Variants in MED25 observed in about 807,000 individuals in gnomAD.
The protein encoded by MED25 is mediator of RNA polymerase II transcription subunit 25.
Under a neutral mutation model 89.4 loss-of-function variants are expected in MED25, and 62 were observed. That is an observed-to-expected ratio of 0.69 (90% CI 0.57 to 0.86). The LOEUF (loss-of-function observed/expected upper bound fraction) is 0.86, where lower values mean the gene tolerates loss of function less well. Among genes scored for constraint, MED25 ranks in the 40% least tolerant of loss-of-function variants. MED25 has a pLI of 0.00. For synonymous variants in MED25, 449 were observed against 427.9 expected (o/e 1.05, Z -0.61); for missense variants, 905 against 1,005.2 (o/e 0.90, Z 1.35).
intron 3 of MED25, among the ~76,000 whole-genome samples, chr19:49,824,916 T>C (rs906493911): frequency 1.3e-5 from 2 of 152,178 alleles, no homozygotes; most frequent in Non-Finnish European, 2.9e-5. Context: ...GGAATGATAC[T>C]GGGTAGAACA....
chr19:49,835,539 G>A lies in MED25; in HGVS notation c.1680G>A (p.Gly560=). ...QKLEQQQRGM[G]GQQAPPGLGP... ...GCCCCTCTCTCCCCGTGCAGATGGG[G>A]GGACAGCAGGCACCCCCAGGGCTGG... Residue 560 remains glycine (G), a synonymous_variant, in exon 15 of 18, where the codon GGG becomes GGA. Coordinates refer to ENST00000312865, the MANE Select transcript of MED25 (RefSeq NM_030973.4). The surrounding 1 kb of genome is among the most constrained non-coding windows in gnomAD (Gnocchi z 6.2). The A allele has an allele frequency of 6.4e-7, 1 of 1,559,302 alleles. No homozygotes were observed. The highest frequency in any genetic ancestry group is 2.4e-5 in the East Asian group (1 of 41,916).
chr19:49,836,530 A>C lies in MED25; in HGVS notation c.2146+124A>C. The C allele has an allele frequency of 7.9e-7, 1 of 1,262,328 alleles. No individual in the cohort carries two copies. Among genetic ancestry groups the C allele is most frequent in the Non-Finnish European group, 1.1e-6 (1 of 884,338 alleles). The allele number at this position is 1,262,328 out of a possible 1,614,324, so 78.2% of individuals were successfully genotyped here. On this transcript the variant is annotated intron_variant, in intron 17 of 17. Transcript: ENST00000312865. The surrounding 1 kb of genome is among the most constrained non-coding windows in gnomAD (Gnocchi z 5.1). The stretch of plus-strand genomic sequence containing the variant: ...AGGATCCAAGAATGAGGGTTCCCCC[A>C]TGGCCTTTGCGGAGCTCTGAGGGCT...
In MED25 at chr19:49,830,945, C is replaced by A. The variant is rs1388508098; in HGVS notation, c.1101+58C>A. On this transcript the variant is annotated intron_variant, in intron 9 of 17. Transcript: ENST00000312865. The surrounding 1 kb of genome is among the most constrained non-coding windows in gnomAD (Gnocchi z 4.6). ...TTCCTCCTGCTGTCCACAGCTAGGA[C>A]AGTTAGAGGATGAGTCATTTGCCTT... 6 of 1,549,030 alleles carry A rather than the reference C, an allele frequency of 3.9e-6. No individual in the cohort carries two copies. The highest frequency in any genetic ancestry group is 5.3e-6 in the Non-Finnish European group (6 of 1,133,646).
At chr19:49,824,856 G>C (rs1466502973) in intron 3 of MED25, among the ~76,000 whole-genome samples, 1 of 152,080 alleles carries the variant, frequency 6.6e-6, no homozygotes, top group African/African-American at 2.4e-5. Flanking sequence ...TTGACCTCCT[G>C]GGGCTCCAGG....
Position 49,835,793 on chromosome 19 carries a change from C to T in MED25, c.1813C>T (p.Pro605Ser). 2 of 1,606,038 alleles carry T rather than the reference C, an allele frequency of 1.2e-6. No individual in the cohort carries two copies. Among genetic ancestry groups the T allele is most frequent in the South Asian group, 2.2e-5 (2 of 90,782 alleles). Residue 605 changes from proline (P) to serine (S), a missense_variant, in exon 16 of 18, where the codon CCC (proline) becomes TCC (serine). Transcript: ENST00000312865. The surrounding 1 kb of genome is among the most constrained non-coding windows in gnomAD (Gnocchi z 6.2). ...TVGASGATGQ[P>S]QPQGTAQPPP... ...AGGGGCCTCTGGGGCCACGGGGCAG[C>T]CCCAGCCCCAAGGTACTGCCCAGCC... is the stretch of plus-strand genomic sequence containing the variant.
rs922046069 is a variant in MED25 at position 49,830,901 on chromosome 19, C to T, written c.1101+14C>T. ...GCACCGTCCATGGTAGGTGCCTGCACGCCTCCTGCCCCTGCTCCTTCCTCC... is the reference window on the plus strand; with the variant it reads ...GCACCGTCCATGGTAGGTGCCTGCATGCCTCCTGCCCCTGCTCCTTCCTCC... On this transcript the variant is annotated intron_variant, in intron 9 of 17. Coordinates refer to ENST00000312865, the MANE Select transcript of MED25 (RefSeq NM_030973.4). The surrounding 1 kb of genome is among the most constrained non-coding windows in gnomAD (Gnocchi z 4.6). The T allele has an allele frequency of 4.4e-6, 7 of 1,596,804 alleles. No homozygotes were observed. Among genetic ancestry groups the T allele is most frequent in the Non-Finnish European group, 6.0e-6 (7 of 1,172,394 alleles).
Position 49,830,971 on chromosome 19 carries a change from C to T in MED25, c.1101+84C>T, listed in dbSNP as rs2074052577. ...AGTTAGAGGATGAGTCATTTGCCTT[C>T]CAGGGGGATGTGGCTCTCGTGGTTC... On this transcript the variant is annotated intron_variant, in intron 9 of 17. Transcript: ENST00000312865. The surrounding 1 kb of genome is among the most constrained non-coding windows in gnomAD (Gnocchi z 4.6). 2.1e-6 allele frequency: 3 copies of T among 1,434,584 alleles called. No homozygotes were observed. The highest frequency in any genetic ancestry group is 3.3e-5 in the Admixed American group (2 of 59,730). 88.9% of individuals were successfully genotyped at this position (1,434,584 alleles called of 1,614,324 possible).
chr19:49,834,759 T>C lies in MED25; in HGVS notation c.1483-227T>C, dbSNP rs2074083356. 10 of 585,204 alleles carry C rather than the reference T, an allele frequency of 1.7e-5. No homozygotes were observed. Among genetic ancestry groups the C allele is most frequent in the Non-Finnish European group, 3.1e-5 (10 of 327,596 alleles). The allele number at this position is 585,204 out of a possible 1,614,324, so 36.3% of individuals were successfully genotyped here. Reference sequence around the variant, plus strand: ...GTTGAAGAGCTGGGCTCCAGCACTTTCTCTCCGCTTTCCCTCTCAGTGGGC... The same window carrying C: ...GTTGAAGAGCTGGGCTCCAGCACTTCCTCTCCGCTTTCCCTCTCAGTGGGC... On this transcript the variant is annotated intron_variant, in intron 13 of 17. Coordinates refer to ENST00000312865, the MANE Select transcript of MED25 (RefSeq NM_030973.4). The surrounding 1 kb of genome is among the most constrained non-coding windows in gnomAD (Gnocchi z 4.1).
In MED25 at chr19:49,835,108, C is replaced by T. The variant is rs922801210; in HGVS notation, c.1605C>T (p.Asn535=). 24 of 1,613,988 alleles carry T rather than the reference C, an allele frequency of 1.5e-5. No individual in the cohort carries two copies. Among genetic ancestry groups the T allele is most frequent in the African/African-American group, 4.0e-5 (3 of 74,902 alleles). The change falls in exon 14 of 18, where the codon AAC becomes AAT. Residue 535 remains asparagine, a synonymous_variant. Coordinates refer to ENST00000312865, the MANE Select transcript of MED25 (RefSeq NM_030973.4). The surrounding 1 kb of genome is among the most constrained non-coding windows in gnomAD (Gnocchi z 6.2). ...CCTACGACCAGAGCGGCTTCGTCAA[C>T]GGCATCCGGCAGGTCATCACCAACC... is the stretch of plus-strand genomic sequence containing the variant. ...LIPYDQSGFV[N]GIRQVITNHK...
At position 49,835,065 on chromosome 19, in the gene MED25, T is replaced by C; in HGVS notation, c.1562T>C (p.Ile521Thr). ...LMLLYSSKKKIFMGLIPYDQS... is the reference protein window; with the variant it reads ...LMLLYSSKKKTFMGLIPYDQS... ...CTCCTGTACTCGTCCAAGAAGAAGA[T>C]CTTCATGGGCCTCATCCCCTACGAC... Residue 521 changes from isoleucine (I) to threonine (T), a missense_variant, in exon 14 of 18, where the codon ATC (isoleucine) becomes ACC (threonine). Ile to Thr is a moderately conservative substitution (Grantham distance 89). Coordinates refer to ENST00000312865, the MANE Select transcript of MED25 (RefSeq NM_030973.4). The surrounding 1 kb of genome is among the most constrained non-coding windows in gnomAD (Gnocchi z 6.2). 4 of 1,613,980 alleles carry C rather than the reference T, an allele frequency of 2.5e-6. No homozygotes were observed. Among genetic ancestry groups the C allele is most frequent in the Non-Finnish European group, 3.4e-6 (4 of 1,180,002 alleles).
chr19:49,840,246 T>A (rs888651242), downstream of MED25: 1 of 152,104 alleles, frequency 6.6e-6, no homozygotes, highest in African/African-American at 2.4e-5. Context: ...AAAGAGAAAA[T>A]TTTAATAATT....
chr19:49,836,341 C>A lies in MED25; in HGVS notation c.2081C>A (p.Pro694Gln), dbSNP rs756047976. 19 of 1,609,692 alleles carry A rather than the reference C, an allele frequency of 1.2e-5. No homozygotes were observed. The South Asian group carries it at 1.8e-4, about 15-fold the overall frequency. The change falls in exon 17 of 18, where the codon CCA (proline) becomes CAA (glutamine). Residue 694 changes from proline to glutamine, a missense_variant. By Grantham distance (76) the Pro-to-Gln change is moderately conservative (BLOSUM62 -1). Coordinates refer to ENST00000312865, the MANE Select transcript of MED25 (RefSeq NM_030973.4). This position sits in a 1 kb window ranked among gnomAD's most constrained non-coding sequence, Gnocchi z 5.1. The stretch of plus-strand genomic sequence containing the variant: ...CTGGGGCAGCCCCAGTTGGGGCCCC[C>A]ACTCCTGCATCCACCACCTGCCCAG... ...QGLGQPQLGP[P>Q]LLHPPPAQSW...
intron 3 of MED25, among the ~76,000 whole-genome samples, chr19:49,828,056 C>T (rs760810761): frequency 3.9e-5 from 6 of 152,034 alleles, no homozygotes; most frequent in South Asian, 4.2e-4. Flanking sequence ...GGTGAAATCC[C>T]GTCTCTACTA....
At chr19:49,826,670 T>C (rs1199477283) in intron 3 of MED25, among the ~76,000 whole-genome samples, 1 of 152,072 alleles carries the variant, frequency 6.6e-6, no homozygotes, top group Non-Finnish European at 1.5e-5. Flanking sequence ...CAGTATCGGG[T>C]GATCTATGAT....
intron 4 of MED25, 44 bp from the exon 5 acceptor site, chr19:49,828,926 G>T: frequency 6.2e-7 from 1 of 1,612,438 alleles, no homozygotes. Context: ...CCTTCTCAGG[G>T]CCTCTGTTGC....
rs1223253987 is a variant in MED25, at chr19:49,835,366, G to A, written c.1675-168G>A. Among the ~76,000 whole-genome samples, 1 of 152,134 alleles carries A rather than the reference G, an allele frequency of 6.6e-6. No individual in the cohort carries two copies. Among genetic ancestry groups the A allele is most frequent in the East Asian group, 1.9e-4 (1 of 5,190 alleles). ...GCATCCACATCAAAGCCCTGACACA[G>A]CTTCCTCCTGGAGACCTTGGAGTGT... On this transcript the variant is annotated intron_variant, in intron 14 of 17. Transcript: ENST00000312865. This position sits in a 1 kb window ranked among gnomAD's most constrained non-coding sequence, Gnocchi z 6.2.
In MED25 at chr19:49,835,426, G is replaced by A; in HGVS notation, c.1675-108G>A. The A allele has an allele frequency of 1.7e-6, 2 of 1,177,138 alleles. No individual in the cohort carries two copies. Among genetic ancestry groups the A allele is most frequent in the Non-Finnish European group, 2.4e-6 (2 of 837,396 alleles). The allele number at this position is 1,177,138 out of a possible 1,614,324, so 72.9% of individuals were successfully genotyped here. On this transcript the variant is annotated intron_variant, in intron 14 of 17. Coordinates refer to ENST00000312865, the MANE Select transcript of MED25 (RefSeq NM_030973.4). This position sits in a 1 kb window ranked among gnomAD's most constrained non-coding sequence, Gnocchi z 6.2. ...CTCCCAGACCACTCACCCCCAAAGA[G>A]AATGTCCCCATCTCCTTACTAGTTC...
rs369117035 is a variant in MED25 at position 49,829,893 on chromosome 19, A to G, written c.633A>G (p.Thr211=). The G allele has an allele frequency of 1.2e-5, 19 of 1,613,242 alleles. No homozygotes were observed. In the South Asian group the frequency reaches 2.1e-4, roughly 18 times the overall value. ...PALLEPLQPP[T]DVSQDPRHMV... ...TGCTGGAGCCGCTGCAGCCTCCGAC[A>G]GATGTGAGCCAGGACCCGAGGCACA... The change falls in exon 6 of 18, where the codon ACA becomes ACG. Residue 211 remains threonine, a synonymous_variant. Transcript: ENST00000312865. This position sits in a 1 kb window ranked among gnomAD's most constrained non-coding sequence, Gnocchi z 4.6.
At chr19:49,825,161 G>T (rs1482204200) in intron 3 of MED25, among the ~76,000 whole-genome samples, 2 of 152,140 alleles carry the variant, frequency 1.3e-5, no homozygotes, top group African/African-American at 4.8e-5. Context: ...TGTAGCACAT[G>T]ACTTGTACTT....
Sources: allele counts gnomAD v4.1 joint callset (sites outside exome capture counted in the v4.1 genomes callset), GRCh38; gene constraint gnomAD v4.1.1; non-coding constraint Gnocchi (gnomAD v3.1); transcripts MANE v1.5; gene names NCBI Gene and HGNC (gene_info 2026-07-23, HGNC 2026-07-21).